The following DYNC1H1 variants were observed in gnomAD, a reference collection of about 807,000 sequenced individuals.
The protein encoded by DYNC1H1 is dynein cytoplasmic 1 heavy chain 1.
A neutral mutation model predicts 527.1 loss-of-function variants in DYNC1H1; 51 were observed. The ratio of observed to expected loss-of-function variants is 0.10; its 90% CI spans 0.08 to 0.12. The LOEUF is 0.12. Ranked by LOEUF, DYNC1H1 falls within the 10% of genes least tolerant of loss-of-function variation. DYNC1H1 has a pLI of 1.00. For synonymous variants in DYNC1H1, 2,189 were observed against 2,278.8 expected, an observed-to-expected ratio of 0.96 and a Z score of 1.12; for missense variants, 2,771 against 5,971.8, an observed-to-expected ratio of 0.46 and a Z score of 17.66.
intron 29 of DYNC1H1, among the ~76,000 whole-genome samples, 200 bp downstream of exon 29, chr14:102,008,537 C>T (rs2048223414): frequency 6.6e-6 from 1 of 152,164 alleles, no homozygotes; most frequent in African/African-American, 2.4e-5. Context: ...TGTGTAATCC[C>T]AGCACTTTGG....
intron 18 of DYNC1H1, 165 bp from the exon 19 acceptor site, chr14:102,000,789 G>A (rs2048122110): frequency 6.0e-6 from 4 of 666,432 alleles, no homozygotes; most frequent in Non-Finnish European, 1.1e-5. Flanking sequence ...GGTCAGGCTG[G>A]TCTCGAACTC....
rs1860614627 is a variant in DYNC1H1, at chr14:101,983,188, A to G, written c.1131A>G (p.Ala377=). The change falls in exon 6 of 78, where the codon GCA becomes GCG. Residue 377 remains alanine, a synonymous_variant. Transcript: ENST00000360184. This position sits in a 1 kb window ranked among gnomAD's most constrained non-coding sequence, Gnocchi z 5.3. The part of the protein sequence containing the change: ...IRNTKYPIQR[A]LRLVEAISRD... Reference sequence around the variant, plus strand: ...ACACAAAATATCCTATTCAGAGGGCACTGCGTTTGGTGGAGGCAATTTCAA... The same window carrying G: ...ACACAAAATATCCTATTCAGAGGGCGCTGCGTTTGGTGGAGGCAATTTCAA... 8 of 1,614,232 alleles carry G rather than the reference A, an allele frequency of 5.0e-6. No individual in the cohort carries two copies. Among genetic ancestry groups the G allele is most frequent in the East Asian group, 2.2e-5 (1 of 44,892 alleles).
At position 102,032,381 on chromosome 14, in the gene DYNC1H1, C is replaced by T. The variant is rs749723044; in HGVS notation, c.9993C>T (p.Ser3331=). The T allele has an allele frequency of 1.9e-6, 3 of 1,614,134 alleles. No homozygotes were observed. The highest frequency in any genetic ancestry group is 2.5e-6 in the Non-Finnish European group (3 of 1,180,054). Residue 3331 remains serine, a synonymous_variant, in exon 52 of 78, where the codon AGC becomes AGT. Transcript: ENST00000360184. ...CCATCTGCCTGCTGCTGGGGGAAAG[C>T]ACCACAGACTGGAAGCAGATCCGCT... ...LESICLLLGE[S]TTDWKQIRSI... is the part of the protein sequence containing the mutation.
rs975544168 is a variant in DYNC1H1, at chr14:102,020,086, C to T, written c.8507+30C>T. On this transcript the variant is annotated intron_variant, in intron 42 of 77. Coordinates refer to ENST00000360184, the MANE Select transcript of DYNC1H1 (RefSeq NM_001376.5). The surrounding 1 kb of genome is among the most constrained non-coding windows in gnomAD (Gnocchi z 4.3). The stretch of plus-strand genomic sequence containing the variant: ...GGGAAGCCGAGGATCCAGTTGGTCC[C>T]ATTCTCCCCTGCTCTGAGTTCTTAC... 1 of 1,612,400 alleles carries T rather than the reference C, an allele frequency of 6.2e-7. No individual in the cohort carries two copies. Among genetic ancestry groups the T allele is most frequent in the African/African-American group, 1.3e-5 (1 of 74,864 alleles).
intron 10 of DYNC1H1, among the ~76,000 whole-genome samples, chr14:101,991,213 C>T (rs1014234869): frequency 2.6e-5 from 4 of 151,994 alleles, no homozygotes; most frequent in African/African-American, 9.7e-5. Flanking sequence ...GTGGCTCACA[C>T]CTGTAATCCC....
Position 101,983,236 on chromosome 14 carries a change from C to T in DYNC1H1, c.1179C>T (p.Leu393=). Reference sequence around the variant, plus strand: ...CAAGAGACTTGAGTTCTCAATTACTCAAAGTATTGGGCACTAGGAAATTGA... The same window carrying T: ...CAAGAGACTTGAGTTCTCAATTACTTAAAGTATTGGGCACTAGGAAATTGA... ...AISRDLSSQL[L]KVLGTRKLMH... The change falls in exon 6 of 78, where the codon CTC becomes CTT. Residue 393 remains leucine, a synonymous_variant. Transcript: ENST00000360184. The surrounding 1 kb of genome is among the most constrained non-coding windows in gnomAD (Gnocchi z 5.3). 1 of 1,614,122 alleles carries T rather than the reference C, an allele frequency of 6.2e-7. No individual in the cohort carries two copies. Among genetic ancestry groups the T allele is most frequent in the South Asian group, 1.1e-5 (1 of 91,076 alleles).
Position 102,036,399 on chromosome 14 carries a change from CAG to C in DYNC1H1, c.10755-89_10755-88del, listed in dbSNP as rs1595627965. ...CGGGTGGTGGTAACAGCCTATCAAT[CAG>C]GGTCTCTCATCAGGGACTCGGCTAA... On this transcript the variant is annotated intron_variant, in intron 56 of 77. Coordinates refer to ENST00000360184, the MANE Select transcript of DYNC1H1 (RefSeq NM_001376.5). This position sits in a 1 kb window ranked among gnomAD's most constrained non-coding sequence, Gnocchi z 5.6. 1 of 1,563,536 alleles carries C rather than the reference CAG, an allele frequency of 6.4e-7. No homozygotes were observed. Among genetic ancestry groups the C allele is most frequent in the East Asian group, 2.2e-5 (1 of 44,532 alleles).
chr14:102,021,648 T>TC (rs2048385483), intron 42 of DYNC1H1, among the ~76,000 whole-genome samples: 1 of 147,156 alleles, frequency 6.8e-6, no homozygotes, highest in African/African-American at 2.5e-5. Flanking sequence ...CATTTCTTTT[T>TC]TCTTTTTCTT....
chr14:102,003,276 T>G (rs1357954214), intron 23 of DYNC1H1, among the ~76,000 whole-genome samples: 1 of 151,786 alleles, frequency 6.6e-6, no homozygotes, highest in Non-Finnish European at 1.5e-5. Flanking sequence ...CTTTTTTTTT[T>G]TTTTGAGATG....
At position 102,036,792 on chromosome 14, in the gene DYNC1H1, A is replaced by G. The variant is rs866513749; in HGVS notation, c.10908+150A>G. On this transcript the variant is annotated intron_variant, in intron 57 of 77. Coordinates refer to ENST00000360184, the MANE Select transcript of DYNC1H1 (RefSeq NM_001376.5). The surrounding 1 kb of genome is among the most constrained non-coding windows in gnomAD (Gnocchi z 5.6). ...GTTCTGTAATAGATAAATTCAACAG[A>G]ATCATTATTTGCATTTAAAATTCTA... 9.1e-6 allele frequency: 10 copies of G among 1,099,590 alleles called. No homozygotes were observed. Among genetic ancestry groups the G allele is most frequent in the Non-Finnish European group, 1.1e-5 (8 of 737,064 alleles). 68.1% of individuals were successfully genotyped at this position (1,099,590 alleles called of 1,614,324 possible).
chr14:102,048,304 C>A, intron 73 of DYNC1H1: 1 of 745,420 alleles, frequency 1.3e-6, no homozygotes, highest in Non-Finnish European at 2.2e-6. Context: ...GCCCCGAGAG[C>A]TGCGACTCGG....
Position 102,039,576 on chromosome 14 carries a change from C to CGG in DYNC1H1, c.11595+36_11595+37dup, listed in dbSNP as rs376466744. 5.6e-6 allele frequency: 9 copies of CGG among 1,614,104 alleles called. No individual in the cohort carries two copies. In the African/African-American group the frequency reaches 8.0e-5, roughly 14 times the overall value. On this transcript the variant is annotated intron_variant, in intron 61 of 77. Transcript: ENST00000360184. The surrounding 1 kb of genome is among the most constrained non-coding windows in gnomAD (Gnocchi z 7.0). ...AGTGAGGTCCTCAGCCGCTCCCTGG[C>CGG]GGGGGGGAAGCAGGGTGCTGCTTCT...
rs778273904 is a variant in DYNC1H1 at position 101,997,112 on chromosome 14, C to A, written c.3642C>A (p.Ile1214=). The A allele has an allele frequency of 3.1e-6, 5 of 1,614,144 alleles. No homozygotes were observed. The highest frequency in any genetic ancestry group is 4.2e-6 in the Non-Finnish European group (5 of 1,180,036). ...FPPSWLYIDN[I]EGEWGAFNDI... Reference sequence around the variant, plus strand: ...CTTCCTGGCTTTATATTGACAACATCGAGGGAGAGTGGGGAGCCTTCAATG... The same window carrying A: ...CTTCCTGGCTTTATATTGACAACATAGAGGGAGAGTGGGGAGCCTTCAATG... Residue 1214 remains isoleucine (I), a synonymous_variant, in exon 16 of 78, where the codon ATC becomes ATA. Transcript: ENST00000360184. The surrounding 1 kb of genome is among the most constrained non-coding windows in gnomAD (Gnocchi z 4.8).
rs1408009503 is a variant in DYNC1H1, at chr14:101,966,000, A to G, written c.256+1053A>G. On this transcript the variant is annotated intron_variant, in intron 1 of 77. Coordinates refer to ENST00000360184, the MANE Select transcript of DYNC1H1 (RefSeq NM_001376.5). The surrounding 1 kb of genome is among the most constrained non-coding windows in gnomAD (Gnocchi z 4.1). Reference sequence around the variant, plus strand: ...TACAACCACTTTGTAGCCCATTACAACCACTTTGGGTGTGGCGTGTCCATC... The same window carrying G: ...TACAACCACTTTGTAGCCCATTACAGCCACTTTGGGTGTGGCGTGTCCATC... Among the ~76,000 whole-genome samples, 1 of 152,066 alleles carries G rather than the reference A, an allele frequency of 6.6e-6. No individual in the cohort carries two copies. The highest frequency in any genetic ancestry group is 1.9e-4 in the East Asian group (1 of 5,150).
intron 43 of DYNC1H1, among the ~76,000 whole-genome samples, chr14:102,026,359 A>G (rs893474557): frequency 6.6e-6 from 1 of 152,000 alleles, no homozygotes; most frequent in African/African-American, 2.4e-5. Flanking sequence ...GGTCCTCTTC[A>G]TTGCCTTTTG....
rs200190286 is a variant in DYNC1H1 at position 102,048,684 on chromosome 14, G to C, written c.13372+15G>C. 2 of 1,611,774 alleles carry C rather than the reference G, an allele frequency of 1.2e-6. No individual in the cohort carries two copies. The highest frequency in any genetic ancestry group is 1.7e-5 in the Admixed American group (1 of 59,972). ...GCTAGTGAAAGGTGCGTGAGAGGCC[G>C]AACTCGTGGTGTGGCTTCCGGCGGG... On this transcript the variant is annotated intron_variant, in intron 74 of 77. Transcript: ENST00000360184.
At chr14:102,006,217 G>T in intron 27 of DYNC1H1, 47 bp downstream of exon 27, 1 of 1,605,122 alleles carries the variant, frequency 6.2e-7, no homozygotes. Context: ...ATATTAAAAT[G>T]TTTAAAGATA....
Position 102,017,576 on chromosome 14 carries a change from A to G in DYNC1H1, c.8177+72A>G. The G allele has an allele frequency of 8.1e-6, 13 of 1,613,250 alleles. No individual in the cohort carries two copies. Among genetic ancestry groups the G allele is most frequent in the Non-Finnish European group, 1.0e-5 (12 of 1,179,384 alleles). On this transcript the variant is annotated intron_variant, in intron 40 of 77. Coordinates refer to ENST00000360184, the MANE Select transcript of DYNC1H1 (RefSeq NM_001376.5). The surrounding 1 kb of genome is among the most constrained non-coding windows in gnomAD (Gnocchi z 4.6). ...AGGATTGCTGTAAACACAGCGCCACAAAAACCTGGTTTTGATAATAAAGAC... is the reference window on the plus strand; with the variant it reads ...AGGATTGCTGTAAACACAGCGCCACGAAAACCTGGTTTTGATAATAAAGAC...
chr14:102,027,741 G>A lies in DYNC1H1; in HGVS notation c.9171G>A (p.Gln3057=), dbSNP rs201041097. ...AGCTCTACAAGTGGTTCACTAGCCAGGTTATCCGCAACCTCCACGTCGTGT... is the reference window on the plus strand; with the variant it reads ...AGCTCTACAAGTGGTTCACTAGCCAAGTTATCCGCAACCTCCACGTCGTGT... ...HEELYKWFTS[Q]VIRNLHVVFT... Residue 3057 remains glutamine (Q), a synonymous_variant, in exon 47 of 78, where the codon CAG becomes CAA. Coordinates refer to ENST00000360184, the MANE Select transcript of DYNC1H1 (RefSeq NM_001376.5). The surrounding 1 kb of genome is among the most constrained non-coding windows in gnomAD (Gnocchi z 7.7). 55 of 1,614,184 alleles carry A rather than the reference G, an allele frequency of 3.4e-5. No individual in the cohort carries two copies. The African/African-American group carries it at 6.8e-4, about 20-fold the overall frequency.
Sources: gnomAD v4.1 joint callset for allele counts (sites outside exome capture counted in the v4.1 genomes callset) on GRCh38, gnomAD v4.1.1 for gene constraint, Gnocchi (gnomAD v3.1) non-coding constraint, MANE v1.5 for transcripts, NCBI Gene and HGNC (gene_info 2026-07-23, HGNC 2026-07-21) for gene names.